The following RNF220 variants were observed in gnomAD, a reference collection of about 807,000 sequenced individuals.
The protein encoded by RNF220 is ring finger protein 220.
RNF220 carries 7 observed loss-of-function variants against 67.1 expected under a neutral mutation model. The ratio of observed to expected loss-of-function variants is 0.10; its 90% CI spans 0.06 to 0.20. The LOEUF (loss-of-function observed/expected upper bound fraction) is 0.20. Among genes scored for constraint, RNF220 ranks in the 10% least tolerant of loss-of-function variants. RNF220 has a pLI of 1.00. For synonymous variants in RNF220, 270 were observed against 283.2 expected, an observed-to-expected ratio of 0.95 and a Z score of 0.47; for missense variants, 565 against 740.3, an observed-to-expected ratio of 0.76 and a Z score of 2.75.
At chr1:44,541,607 A>G (rs1188768863) in intron 2 of RNF220, among the ~76,000 whole-genome samples, 2 of 152,226 alleles carry the variant, frequency 1.3e-5, no homozygotes, top group African/African-American at 4.8e-5. Context: ...TTCCTCAGAG[A>G]CTTACTTCAC....
intron 2 of RNF220, among the ~76,000 whole-genome samples, chr1:44,596,042 G>T (rs922340796): frequency 6.6e-6 from 1 of 152,220 alleles, no homozygotes; most frequent in Non-Finnish European, 1.5e-5. Context: ...GGGATTACGG[G>T]CGTGCGCCGC....
intron 2 of RNF220, among the ~76,000 whole-genome samples, chr1:44,529,834 T>C (rs915839667): frequency 3.3e-5 from 5 of 152,086 alleles, no homozygotes; most frequent in African/African-American, 1.2e-4. Context: ...GCGGATTGCC[T>C]GAGCTCAGGA....
intron 2 of RNF220, among the ~76,000 whole-genome samples, chr1:44,529,317 TA>T (rs1386787777): frequency 6.6e-6 from 1 of 151,032 alleles, no homozygotes; most frequent in East Asian, 1.9e-4. Flanking sequence ...TAATGTTAAG[TA>T]AAACTATGCA....
At chr1:44,525,621 C>G (rs972145057) in intron 2 of RNF220, among the ~76,000 whole-genome samples, 1 of 152,200 alleles carries the variant, frequency 6.6e-6, no homozygotes, top group African/African-American at 2.4e-5. Flanking sequence ...TCGATCCTCT[C>G]TACTTACTTG....
At chr1:44,454,709 C>G (rs938309182) in intron 2 of RNF220, among the ~76,000 whole-genome samples, 14 of 150,392 alleles carry the variant, frequency 9.3e-5, no homozygotes, top group African/African-American at 3.4e-4. Flanking sequence ...TAGTAAAAAC[C>G]CTTTACAGTG....
chr1:44,649,646 C>T lies in RNF220; in HGVS notation c.1446-15C>T, dbSNP rs780773375. ...GATGCCAGCCTGCTACCCAACCATG[C>T]CTTCCTTTTTACAGAATCACCGAAG... On this transcript the variant is annotated splice_polypyrimidine_tract_variant and intron_variant, in intron 12 of 14. Transcript: ENST00000361799. The surrounding 1 kb of genome is among the most constrained non-coding windows in gnomAD (Gnocchi z 5.9). 6.8e-6 allele frequency: 11 copies of T among 1,612,274 alleles called. No individual in the cohort carries two copies. The highest frequency in any genetic ancestry group is 1.3e-5 in the African/African-American group (1 of 74,826).
intron 2 of RNF220, among the ~76,000 whole-genome samples, chr1:44,537,688 C>A (rs1325461117): frequency 1.3e-5 from 2 of 152,168 alleles, no homozygotes; most frequent in African/African-American, 2.4e-5. Context: ...CCAACTTCCC[C>A]AACCAATGAT....
intron 2 of RNF220, among the ~76,000 whole-genome samples, chr1:44,511,444 G>A (rs1658986714): frequency 6.6e-6 from 1 of 152,152 alleles, no homozygotes; most frequent in Admixed American, 6.5e-5. Context: ...TAAATGAAGA[G>A]AAGTGGGAGA....
At chr1:44,502,915 G>A (rs1658055231) in intron 2 of RNF220, among the ~76,000 whole-genome samples, 1 of 152,112 alleles carries the variant, frequency 6.6e-6, no homozygotes, top group South Asian at 2.1e-4. Context: ...ATAGAAGCAC[G>A]TTGTCATGCC....
intron 2 of RNF220, among the ~76,000 whole-genome samples, chr1:44,462,600 C>G (rs1221992945): frequency 6.6e-6 from 1 of 152,130 alleles, no homozygotes; most frequent in African/African-American, 2.4e-5. Context: ...AAGAAATTCT[C>G]TAAGCTATCA....
intron 2 of RNF220, among the ~76,000 whole-genome samples, chr1:44,549,719 A>T (rs1276922892): frequency 2.6e-5 from 4 of 152,176 alleles, no homozygotes; most frequent in Non-Finnish European, 5.9e-5. Flanking sequence ...TCCTCCAGAG[A>T]GAGCATGTGT....
At chr1:44,610,064 G>A (rs1667553913) in intron 2 of RNF220, among the ~76,000 whole-genome samples, 1 of 152,202 alleles carries the variant, frequency 6.6e-6, no homozygotes, top group Non-Finnish European at 1.5e-5. Context: ...AAGTGGAGGT[G>A]GCAGGCACTC....
rs189920144 is a variant in RNF220 at position 44,446,380 on chromosome 1, C to G, written c.625+33658C>G. On this transcript the variant is annotated intron_variant, in intron 2 of 14. Coordinates refer to ENST00000361799, the MANE Select transcript of RNF220 (RefSeq NM_018150.4). ...CTAAAAAATTAAGTTTTGCAGTGAA[C>G]TGTAATTTGTGTGTGAACGTGACTG... Among the ~76,000 whole-genome samples, 231 of 152,262 alleles carry G rather than the reference C, an allele frequency of 1.5e-3. 5 individuals carry two copies. The highest frequency in any genetic ancestry group is 1.8e-4 in the Non-Finnish European group (12 of 68,036).
At chr1:44,639,333 G>T (rs1644422450) in intron 8 of RNF220, among the ~76,000 whole-genome samples, 1 of 152,256 alleles carries the variant, frequency 6.6e-6, no homozygotes, top group South Asian at 2.1e-4. Flanking sequence ...TTGGTTGCCA[G>T]TGAGAGTTCA....
At chr1:44,512,712 G>T (rs751021235) in intron 2 of RNF220, among the ~76,000 whole-genome samples, 3 of 152,202 alleles carry the variant, frequency 2.0e-5, no homozygotes, top group Non-Finnish European at 4.4e-5. Flanking sequence ...CGACGGAGGC[G>T]GCAGGAGTGG....
chr1:44,595,229 G>C (rs1166468635), intron 2 of RNF220, among the ~76,000 whole-genome samples: 2 of 152,232 alleles, frequency 1.3e-5, no homozygotes. Flanking sequence ...CCGAGGTAGG[G>C]GTGGGAGGCC....
At chr1:44,613,321 C>T (rs1643396543) in intron 2 of RNF220, among the ~76,000 whole-genome samples, 2 of 141,132 alleles carry the variant, frequency 1.4e-5, no homozygotes, top group African/African-American at 2.8e-5. Context: ...TCCCCAACCC[C>T]ACACCTGTAA....
chr1:44,628,059 T>G (rs2148463273), intron 5 of RNF220, among the ~76,000 whole-genome samples: 1 of 152,338 alleles, frequency 6.6e-6, no homozygotes. Context: ...TGGGAGACAC[T>G]GCCCCGATCC....
intron 2 of RNF220, among the ~76,000 whole-genome samples, chr1:44,537,178 C>T (rs187545600): frequency 6.6e-6 from 1 of 152,284 alleles, no homozygotes; most frequent in East Asian, 1.9e-4. Context: ...CATACACACA[C>T]ACACACAAAC....
Sources: allele counts gnomAD v4.1 joint callset (sites outside exome capture counted in the v4.1 genomes callset), GRCh38; gene constraint gnomAD v4.1.1; non-coding constraint Gnocchi (gnomAD v3.1); transcripts MANE v1.5; gene names NCBI Gene and HGNC (gene_info 2026-07-23, HGNC 2026-07-21).